The following ZNF512 variants were observed in gnomAD, a reference collection of about 807,000 sequenced individuals.
The protein encoded by ZNF512 is zinc finger protein 512.
Under a neutral mutation model 77.5 loss-of-function variants are expected in ZNF512, and 25 were observed. The ratio of observed to expected loss-of-function variants is 0.32; its 90% CI spans 0.23 to 0.45. The LOEUF (loss-of-function observed/expected upper bound fraction) is 0.45, where lower values mean the gene tolerates loss of function less well. ZNF512 is among the 20% of genes least tolerant of loss of function. The pLI is 1.00. For missense variants in ZNF512, 483 were observed against 692.6 expected, an observed-to-expected ratio of 0.70 and a Z score of 3.40; for synonymous variants, 246 against 239.9, an observed-to-expected ratio of 1.03 and a Z score of -0.24.
chr2:27,610,544 G>GTGTGTATGTATATATATATATATATATA (rs1413007886), intron 10 of ZNF512, among the ~76,000 whole-genome samples: 2 of 32,654 alleles, frequency 6.1e-5, no homozygotes, highest in East Asian at 3.2e-3. Context: ...ATATGTGTGT[G>GTGTGTATGTATATATATATATATATATA]TATATATATA....
At chr2:27,596,194 T>G (rs1671862052) in intron 2 of ZNF512, among the ~76,000 whole-genome samples, 1 of 152,232 alleles carries the variant, frequency 6.6e-6, no homozygotes, top group Non-Finnish European at 1.5e-5. Context: ...GGGGCTGGTC[T>G]GAGACTTCTG....
intron 3 of ZNF512, 111 bp from the exon 4 acceptor site, chr2:27,599,472 A>C (rs1672021479): frequency 2.6e-6 from 2 of 778,510 alleles, no homozygotes; most frequent in South Asian, 3.4e-5. Flanking sequence ...GCCTGTGTTC[A>C]CTGATGATCT....
chr2:27,617,405 C>A (rs1463660280), intron 12 of ZNF512, 68 bp from the exon 13 acceptor site: 3 of 767,586 alleles, frequency 3.9e-6, no homozygotes, highest in East Asian at 4.9e-5. Context: ...TCTAACAATC[C>A]CTACACATAG....
At chr2:27,588,880 A>G (rs1050066677) in intron 2 of ZNF512, among the ~76,000 whole-genome samples, 2 of 152,150 alleles carry the variant, frequency 1.3e-5, no homozygotes, top group Admixed American at 6.5e-5. Context: ...AGTCTTCTTA[A>G]TTACTCTCAG....
chr2:27,594,808 G>A (rs914738534), intron 2 of ZNF512, among the ~76,000 whole-genome samples: 12 of 152,124 alleles, frequency 7.9e-5, no homozygotes, highest in South Asian at 2.1e-4. Flanking sequence ...GTAGCGAGCC[G>A]AGATCACGCC....
intron 9 of ZNF512, among the ~76,000 whole-genome samples, chr2:27,604,728 G>A (rs1672280474): frequency 6.6e-6 from 1 of 152,138 alleles, no homozygotes; most frequent in Admixed American, 6.5e-5. Context: ...CTGCAGAGCT[G>A]TGATCATACC....
chr2:27,617,393 T>C, intron 12 of ZNF512, 80 bp from the exon 13 acceptor site: 1 of 728,296 alleles, frequency 1.4e-6, no homozygotes, highest in Non-Finnish European at 2.5e-6. Flanking sequence ...CCTCTTTTCA[T>C]CTCTAACAAT....
At chr2:27,593,169 T>C (rs559111646) in intron 2 of ZNF512, among the ~76,000 whole-genome samples, 1 of 147,362 alleles carries the variant, frequency 6.8e-6, no homozygotes, top group South Asian at 2.2e-4. Context: ...GATACCAGCC[T>C]GGACAACAAA....
chr2:27,584,627 A>G (rs1572900038), intron 2 of ZNF512, among the ~76,000 whole-genome samples: 1 of 152,314 alleles, frequency 6.6e-6, no homozygotes, highest in East Asian at 1.9e-4. Flanking sequence ...AAGGGGAGTG[A>G]TAGTTTGGAA....
At position 27,622,540 on chromosome 2, in the gene ZNF512, A is replaced by G. The variant is rs1376573777; in HGVS notation, c.*1079A>G. 1 of 152,682 alleles carries G rather than the reference A, an allele frequency of 6.5e-6. No homozygotes were observed. The highest frequency in any genetic ancestry group is 1.5e-5 in the Non-Finnish European group (1 of 68,028). 9.5% of individuals were successfully genotyped at this position (152,682 alleles called of 1,614,324 possible). A position where few individuals can be genotyped will look rare whatever the true frequency, so the allele number is the denominator to read the frequency against. On this transcript the variant is annotated 3_prime_UTR_variant, in exon 14 of 14. Coordinates refer to ENST00000355467, the MANE Select transcript of ZNF512 (RefSeq NM_032434.4). ...TGAGACTTTGACACCAGATGTAGAT[A>G]TTTATCTGGAGCTGGAAAGAAAAAT...
At chr2:27,616,562 G>T (rs568329620) in intron 12 of ZNF512, among the ~76,000 whole-genome samples, 1 of 152,330 alleles carries the variant, frequency 6.6e-6, no homozygotes, top group Non-Finnish European at 1.5e-5. Flanking sequence ...GGAATTGGAA[G>T]AAACATATAT....
chr2:27,593,478 G>T (rs1047063350), intron 2 of ZNF512, among the ~76,000 whole-genome samples: 1 of 152,048 alleles, frequency 6.6e-6, no homozygotes, highest in Non-Finnish European at 1.5e-5. Context: ...AAATTTAGTG[G>T]GTATGATGGT....
rs146818183 is a variant in ZNF512, at chr2:27,607,450, C to G, written c.937-395C>G. 4.9e-3 allele frequency among the ~76,000 whole-genome samples: 745 copies of G among 152,158 alleles called. 2 individuals are homozygous for G. Among genetic ancestry groups the G allele is most frequent in the Non-Finnish European group, 9.3e-3 (633 of 68,002 alleles). On this transcript the variant is annotated intron_variant, in intron 9 of 13. Transcript: ENST00000355467. ...TGGCGCAATCTTCACTCACTGCAGC[C>G]TCCACCTCCCTGGTTCAAGCGATTC...
intron 2 of ZNF512, among the ~76,000 whole-genome samples, chr2:27,588,604 C>G (rs777147478): frequency 5.3e-5 from 8 of 151,812 alleles, no homozygotes; most frequent in African/African-American, 1.7e-4. Context: ...TCTGGACTCT[C>G]CTTATTCTGT....
chr2:27,603,087 G>C, intron 8 of ZNF512, 53 bp from the exon 9 acceptor site: 1 of 1,591,512 alleles, frequency 6.3e-7, no homozygotes, highest in Non-Finnish European at 8.6e-7. Flanking sequence ...AGAAATTTAG[G>C]GATCATGTCA....
Position 27,615,924 on chromosome 2 carries a change from A to G in ZNF512, c.1234-338A>G, listed in dbSNP as rs558632602. On this transcript the variant is annotated intron_variant, in intron 11 of 13. Transcript: ENST00000355467. The stretch of plus-strand genomic sequence containing the variant: ...TTCAGTACTTTGCAGAGGAGTAAAT[A>G]TAAAAGAAGTGGGAACACATTTGCA... 2.6e-5 allele frequency among the ~76,000 whole-genome samples: 4 copies of G among 152,340 alleles called. No individual in the cohort carries two copies. In the South Asian group the frequency reaches 8.3e-4, roughly 32 times the overall value.
rs569633981 is a variant in ZNF512 at position 27,606,707 on chromosome 2, A to G, written c.937-1138A>G. On this transcript the variant is annotated intron_variant, in intron 9 of 13. Coordinates refer to ENST00000355467, the MANE Select transcript of ZNF512 (RefSeq NM_032434.4). The stretch of plus-strand genomic sequence containing the variant: ...GCTACTGTGAATCACCACAAACTGA[A>G]TGGCTTAAAACAACACACATTTATT... 4.6e-5 allele frequency among the ~76,000 whole-genome samples: 7 copies of G among 152,290 alleles called. No homozygotes were observed. In the East Asian group the frequency reaches 1.4e-3, roughly 29 times the overall value.
intron 9 of ZNF512, 59 bp from the exon 10 acceptor site, chr2:27,607,786 A>T (rs1672437207): frequency 3.9e-6 from 6 of 1,548,788 alleles, no homozygotes; most frequent in African/African-American, 1.4e-5. Flanking sequence ...GCCTTTAATC[A>T]CTGGCTGTGA....
At chr2:27,610,502 G>GTA (rs201029545) in intron 10 of ZNF512, among the ~76,000 whole-genome samples, 26,417 of 113,398 alleles carry the variant, frequency 0.23, 3,828 homozygotes, top group African/African-American at 0.4. Flanking sequence ...GTGTATATGT[G>GTA]TATATATATG....
Sources: gnomAD v4.1 joint callset for allele counts (sites outside exome capture counted in the v4.1 genomes callset) on GRCh38, gnomAD v4.1.1 for gene constraint, MANE v1.5 for transcripts, NCBI Gene and HGNC (gene_info 2026-07-23, HGNC 2026-07-21) for gene names.